The following DIP2C variants were observed in gnomAD, a reference collection of about 807,000 sequenced individuals.
DIP2C encodes disco-interacting protein 2 homolog C.
Under a neutral mutation model 192.4 loss-of-function variants are expected in DIP2C, and 33 were observed. That is an observed-to-expected ratio of 0.17 (90% CI 0.13 to 0.23). DIP2C has a LOEUF of 0.23. Ranked by LOEUF, DIP2C falls within the 10% of genes least tolerant of loss-of-function variation. DIP2C has a pLI of 1.00. For missense variants in DIP2C, 1,537 were observed against 2,110.1 expected (o/e 0.73, Z 5.32); for synonymous variants, 979 against 864.1 (o/e 1.13, Z -2.33).
chr10:590,391 C>G (rs772280211), intron 1 of DIP2C, among the ~76,000 whole-genome samples: 4 of 152,232 alleles, frequency 2.6e-5, no homozygotes, highest in Non-Finnish European at 5.9e-5. Flanking sequence ...AAATGACTAA[C>G]GCCCACACTG....
rs189889177 is a variant in DIP2C, at chr10:517,876, C to T, written c.86-31346G>A. 2.0e-3 allele frequency among the ~76,000 whole-genome samples: 306 copies of T among 152,304 alleles called. 1 individual carries two copies. Among genetic ancestry groups the T allele is most frequent in the Middle Eastern group, 0.01 (3 of 294 alleles). On this transcript the variant is annotated intron_variant, in intron 1 of 36. Transcript: ENST00000280886. The stretch of plus-strand genomic sequence containing the variant: ...CTGTAACCCTCAGGCATTGTCTAAA[C>T]GTCAAATGGAAGCCTAGGATCCTCT...
chr10:511,222 C>T (rs1025261202), intron 1 of DIP2C, among the ~76,000 whole-genome samples: 12 of 152,294 alleles, frequency 7.9e-5, no homozygotes, highest in Non-Finnish European at 1.8e-4. Flanking sequence ...CAGGTGCCAG[C>T]GTGGAGTTCC....
chr10:531,651 G>GC (rs1161937500), intron 1 of DIP2C, among the ~76,000 whole-genome samples: 2 of 152,110 alleles, frequency 1.3e-5, no homozygotes, highest in African/African-American at 4.8e-5. Context: ...ACACCATAGG[G>GC]CCCTCTACAG....
At chr10:474,134 G>A (rs937555860) in intron 2 of DIP2C, among the ~76,000 whole-genome samples, 6 of 152,072 alleles carry the variant, frequency 3.9e-5, no homozygotes, top group African/African-American at 1.2e-4. Flanking sequence ...ATGCATTTTA[G>A]GAAATCAAAG....
intron 29 of DIP2C, among the ~76,000 whole-genome samples, chr10:337,495 G>A (rs1589524690): frequency 1.4e-5 from 2 of 145,086 alleles, no homozygotes; most frequent in South Asian, 4.7e-4. Context: ...GTGTGCTGTG[G>A]AGGCCTAGAC....
intron 1 of DIP2C, among the ~76,000 whole-genome samples, chr10:514,427 C>T (rs1846221695): frequency 6.6e-6 from 1 of 152,188 alleles, no homozygotes. Context: ...GGAACAGTTC[C>T]AGGCGTCTTC....
intron 1 of DIP2C, among the ~76,000 whole-genome samples, chr10:564,352 C>G (rs1849358040): frequency 1.3e-5 from 2 of 152,116 alleles, no homozygotes; most frequent in African/African-American, 4.8e-5. Flanking sequence ...TCCCCACACC[C>G]CAGCCTGGAC....
chr10:372,833 A>C (rs1250699669), intron 17 of DIP2C, among the ~76,000 whole-genome samples: 1 of 152,224 alleles, frequency 6.6e-6, no homozygotes, highest in Admixed American at 6.5e-5. Flanking sequence ...TACTCCTGAC[A>C]CACTGGCAGC....
At chr10:477,693 A>AG (rs1843168088) in intron 2 of DIP2C, among the ~76,000 whole-genome samples, 1 of 143,676 alleles carries the variant, frequency 7.0e-6, no homozygotes, top group Non-Finnish European at 1.5e-5. Context: ...AGGAAAGCGG[A>AG]GAAAAGGAAA....
intron 2 of DIP2C, 88 bp from the exon 3 acceptor site, chr10:472,637 A>C: frequency 8.3e-7 from 1 of 1,197,658 alleles, no homozygotes. Context: ...CCATCCCCAC[A>C]GCAAAGCCAG....
chr10:309,467 C>T (rs529097645), intron 32 of DIP2C, among the ~76,000 whole-genome samples: 46 of 152,172 alleles, frequency 3.0e-4, no homozygotes, highest in African/African-American at 1.1e-3. Context: ...GGAAAAGAAC[C>T]GAGTGCCTGC....
intron 32 of DIP2C, among the ~76,000 whole-genome samples, chr10:303,753 C>T (rs1187313162): frequency 6.6e-6 from 1 of 152,172 alleles, no homozygotes; most frequent in Non-Finnish European, 1.5e-5. Context: ...GAACTCCCGA[C>T]CTCAGGTGAT....
At chr10:372,537 G>A (rs562604288) in intron 17 of DIP2C, among the ~76,000 whole-genome samples, 148 of 152,284 alleles carry the variant, frequency 9.7e-4, no homozygotes, top group African/African-American at 3.0e-3. Flanking sequence ...TATTAGCCAC[G>A]TTAACCTTCA....
intron 1 of DIP2C, among the ~76,000 whole-genome samples, chr10:606,141 T>C (rs552783893): frequency 6.6e-6 from 1 of 152,364 alleles, no homozygotes; most frequent in South Asian, 2.1e-4. Context: ...CTCGCGCTGC[T>C]TTCTGGGTTC....
intron 29 of DIP2C, among the ~76,000 whole-genome samples, chr10:332,854 A>G (rs569772504): frequency 9.2e-5 from 14 of 152,258 alleles, no homozygotes; most frequent in Non-Finnish European, 1.8e-4. Flanking sequence ...CAGGCATGCC[A>G]TCCAGCCCAG....
chr10:459,851 G>A (rs1342368867), intron 3 of DIP2C, among the ~76,000 whole-genome samples: 2 of 133,728 alleles, frequency 1.5e-5, no homozygotes, highest in African/African-American at 3.1e-5. Flanking sequence ...TAGGCTCTAG[G>A]ATCTTCCTCT....
At chr10:456,750 CATCT>C (rs1248516282) in intron 3 of DIP2C, among the ~76,000 whole-genome samples, 1 of 152,204 alleles carries the variant, frequency 6.6e-6, no homozygotes, top group African/African-American at 2.4e-5. Context: ...TACATAGGGC[CATCT>C]GTGTTCCCTT....
At position 380,801 on chromosome 10, in the gene DIP2C, G is replaced by A. The variant is rs565417920; in HGVS notation, c.1991+1846C>T. 1.1e-4 allele frequency among the ~76,000 whole-genome samples: 17 copies of A among 152,302 alleles called. No individual in the cohort carries two copies. The South Asian group carries it at 2.5e-3, about 22-fold the overall frequency. On this transcript the variant is annotated intron_variant, in intron 17 of 36. Transcript: ENST00000280886. Reference sequence around the variant, plus strand: ...CAGCTTTACGGAATGTACGAAAGCCGTTTTTCACTTAATAACCTGGCCTCT... The same window carrying A: ...CAGCTTTACGGAATGTACGAAAGCCATTTTTCACTTAATAACCTGGCCTCT...
At chr10:534,210 C>T (rs1485196342) in intron 1 of DIP2C, among the ~76,000 whole-genome samples, 3 of 152,202 alleles carry the variant, frequency 2.0e-5, no homozygotes, top group Non-Finnish European at 4.4e-5. Context: ...AAACACAACT[C>T]CCACCCATGC....
Sources: gnomAD v4.1 joint callset for allele counts (sites outside exome capture counted in the v4.1 genomes callset) on GRCh38, gnomAD v4.1.1 for gene constraint, MANE v1.5 for transcripts, NCBI Gene and HGNC (gene_info 2026-07-23, HGNC 2026-07-21) for gene names.